The following FAM13A variants were observed in gnomAD, a reference collection of about 807,000 sequenced individuals.
FAM13A encodes family with sequence similarity 13 member A, also known as protein FAM13A.
FAM13A carries 76 observed loss-of-function variants against 129.6 expected under a neutral mutation model. The observed-to-expected ratio is 0.59, with a 90% CI of 0.49 to 0.71. The LOEUF is 0.71. FAM13A is among the 30% of genes least tolerant of loss of function. The probability of loss-of-function intolerance (pLI) is 0.00; values close to 1 mark genes in which losing one functional copy is unlikely to be tolerated. For synonymous variants in FAM13A, 443 were observed against 449.9 expected (o/e 0.98, Z 0.20); for missense variants, 1,108 against 1,249.3 (o/e 0.89, Z 1.70).
chr4:88,891,692 A>G (rs1745354194), intron 6 of FAM13A, among the ~76,000 whole-genome samples: 1 of 152,218 alleles, frequency 6.6e-6, no homozygotes, highest in Non-Finnish European at 1.5e-5. Context: ...ATAAAAGAGT[A>G]AAAGAGAAAA....
chr4:88,962,537 G>C (rs190904793), intron 4 of FAM13A, among the ~76,000 whole-genome samples: 2 of 152,264 alleles, frequency 1.3e-5, no homozygotes, highest in African/African-American at 4.8e-5. Context: ...TCAGCTGCAG[G>C]GAGGCTCCAG....
At chr4:88,731,537 GC>G (rs1737790675) in intron 22 of FAM13A, 109 bp from the exon 23 acceptor site, 1 of 627,778 alleles carries the variant, frequency 1.6e-6, no homozygotes, top group South Asian at 2.1e-5. Context: ...GCAAGTAAAT[GC>G]AGAAACTGCT....
chr4:89,008,080 G>GAAACAA (rs140167208), intron 3 of FAM13A, among the ~76,000 whole-genome samples: 118,286 of 151,862 alleles, frequency 0.78, 46,266 homozygotes, highest in Middle Eastern at 0.88. Flanking sequence ...ATCTGTCGGA[G>GAAACAA]ATCAATGCTA....
At chr4:88,817,262 G>A (rs1486938533) in intron 7 of FAM13A, among the ~76,000 whole-genome samples, 1 of 152,122 alleles carries the variant, frequency 6.6e-6, no homozygotes, top group Non-Finnish European at 1.5e-5. Flanking sequence ...CAATAAAGCT[G>A]TTAAAAAATT....
chr4:88,871,944 C>G (rs1579050485), intron 6 of FAM13A, among the ~76,000 whole-genome samples: 1 of 152,340 alleles, frequency 6.6e-6, no homozygotes, highest in South Asian at 2.1e-4. Context: ...AACAGCGGAT[C>G]TCTCGGCAGA....
chr4:88,738,551 G>T (rs1332945211), intron 20 of FAM13A, among the ~76,000 whole-genome samples: 1 of 152,146 alleles, frequency 6.6e-6, no homozygotes, highest in African/African-American at 2.4e-5. Context: ...CCTACACCTT[G>T]CCACATCCTC....
chr4:88,874,243 C>T (rs1240116102), intron 6 of FAM13A, among the ~76,000 whole-genome samples: 1 of 152,084 alleles, frequency 6.6e-6, no homozygotes, highest in East Asian at 1.9e-4. Context: ...ACAGGGATGC[C>T]CTCTCTCACC....
chr4:88,803,221 CT>C (rs1265849575), intron 8 of FAM13A, among the ~76,000 whole-genome samples: 2 of 152,134 alleles, frequency 1.3e-5, no homozygotes, highest in Admixed American at 6.6e-5. Flanking sequence ...AATAGTTCTG[CT>C]TAGTTTAAAT....
At chr4:88,869,026 G>C (rs1413892023) in intron 6 of FAM13A, among the ~76,000 whole-genome samples, 1 of 152,152 alleles carries the variant, frequency 6.6e-6, no homozygotes, top group Non-Finnish European at 1.5e-5. Flanking sequence ...AGAAGTTATG[G>C]AGCACACAGC....
At chr4:88,869,796 T>C (rs562858424) in intron 6 of FAM13A, among the ~76,000 whole-genome samples, 58 of 152,286 alleles carry the variant, frequency 3.8e-4, no homozygotes, top group Non-Finnish European at 7.2e-4. Context: ...AAAAAAATAA[T>C]TCAGGCTAAA....
chr4:88,729,372 C>T (rs1026601299), intron 23 of FAM13A: 3 of 152,180 alleles, frequency 2.0e-5, no homozygotes, highest in African/African-American at 7.2e-5. Flanking sequence ...TTGGCCACCA[C>T]GCGGTGCGCT....
At chr4:88,848,208 G>A (rs1736996527) in intron 7 of FAM13A, among the ~76,000 whole-genome samples, 1 of 152,122 alleles carries the variant, frequency 6.6e-6, no homozygotes, top group Admixed American at 6.5e-5. Flanking sequence ...TCTCCACCAT[G>A]CAGAAGGTGT....
At chr4:88,796,780 A>G (rs1057432885) in intron 8 of FAM13A, among the ~76,000 whole-genome samples, 3 of 150,390 alleles carry the variant, frequency 2.0e-5, no homozygotes, top group Admixed American at 2.0e-4. Flanking sequence ...GTCCTAGCTG[A>G]TTTGTTCTAG....
chr4:88,977,910 T>C (rs1761122538), intron 4 of FAM13A, among the ~76,000 whole-genome samples: 1 of 152,162 alleles, frequency 6.6e-6, no homozygotes, highest in African/African-American at 2.4e-5. Context: ...ATCTAGAGGA[T>C]AATGTATAAT....
At chr4:88,879,092 C>T (rs562938576) in intron 6 of FAM13A, among the ~76,000 whole-genome samples, 1 of 152,264 alleles carries the variant, frequency 6.6e-6, no homozygotes, top group East Asian at 1.9e-4. Flanking sequence ...ATATATAAAA[C>T]ACATCTAATA....
chr4:88,906,581 T>C (rs1748207160), intron 5 of FAM13A, 119 bp from the exon 6 acceptor site: 1 of 670,144 alleles, frequency 1.5e-6, no homozygotes, highest in African/African-American at 1.8e-5. Context: ...GTTGTTCACA[T>C]CAGAAGCTGG....
At chr4:89,016,143 C>G (rs1766452800) in intron 3 of FAM13A, among the ~76,000 whole-genome samples, 1 of 150,092 alleles carries the variant, frequency 6.7e-6, no homozygotes, top group Admixed American at 6.7e-5. Flanking sequence ...ATTGATGATT[C>G]TGACTCTGTA....
At chr4:88,953,156 A>G (rs1196864857) in intron 4 of FAM13A, among the ~76,000 whole-genome samples, 1 of 151,884 alleles carries the variant, frequency 6.6e-6, no homozygotes, top group African/African-American at 2.4e-5. Context: ...CATTACCCCA[A>G]GAAGAAACTT....
At chr4:88,847,250 GTTCATGCCTGTAA>G (rs1042704152) in intron 7 of FAM13A, among the ~76,000 whole-genome samples, 27 of 152,274 alleles carry the variant, frequency 1.8e-4, no homozygotes, top group African/African-American at 6.3e-4. Flanking sequence ...GGACATGGTG[GTTCATGCCTGTAA>G]TCCCAGCACT....
Sources: allele counts gnomAD v4.1 joint callset (sites outside exome capture counted in the v4.1 genomes callset), GRCh38; gene constraint gnomAD v4.1.1; transcripts MANE v1.5; gene names NCBI Gene and HGNC (gene_info 2026-07-23, HGNC 2026-07-21).